TPRG1: variants seen among roughly 807,000 people sequenced by gnomAD.
TPRG1 encodes the protein tumor protein p63-regulated gene 1 protein.
A neutral mutation model predicts 29.3 loss-of-function variants in TPRG1; 29 were observed. The ratio of observed to expected loss-of-function variants is 0.99; its 90% CI spans 0.74 to 1.35. TPRG1 has a LOEUF of 1.35. Among genes scored for constraint, TPRG1 ranks in the 40% most tolerant of loss-of-function variants. The pLI is 0.00. For missense variants in TPRG1, 327 were observed against 335.0 expected (o/e 0.98, Z 0.19); for synonymous variants, 130 against 116.8 (o/e 1.11, Z -0.73).
intron 3 of TPRG1, chr3:189,218,087 T>A: frequency 1.1e-6 from 1 of 932,806 alleles, no homozygotes; most frequent in Non-Finnish European, 1.3e-6. Flanking sequence ...ATGGACCAAC[T>A]ACCCTAGCCT....
chr3:189,247,098 A>G (rs1741483461), intron 4 of TPRG1, among the ~76,000 whole-genome samples: 1 of 151,910 alleles, frequency 6.6e-6, no homozygotes, highest in African/African-American at 2.4e-5. Context: ...TAAATTACAC[A>G]TATGTTAGAC....
chr3:189,135,361 C>T (rs1232890381), intron 3 of TPRG1, among the ~76,000 whole-genome samples: 1 of 152,206 alleles, frequency 6.6e-6, no homozygotes, highest in Non-Finnish European at 1.5e-5. Flanking sequence ...CACATGCTTC[C>T]CTCACTGTCA....
chr3:189,001,174 G>C (rs926570884), intron 2 of TPRG1, among the ~76,000 whole-genome samples: 7 of 152,104 alleles, frequency 4.6e-5, no homozygotes, highest in African/African-American at 1.7e-4. Context: ...TCCCCAACCA[G>C]AGACATGTAT....
chr3:189,040,861 T>G (rs79820720), intron 4 of TPRG1, among the ~76,000 whole-genome samples: 2,852 of 152,292 alleles, frequency 0.019, 89 homozygotes, highest in African/African-American at 0.065. Context: ...ATTCTTCCTC[T>G]ATTGCTCAGA....
intron 3 of TPRG1, among the ~76,000 whole-genome samples, chr3:189,223,823 GCC>G (rs1340398536): frequency 2.6e-5 from 4 of 151,958 alleles, no homozygotes; most frequent in African/African-American, 9.7e-5. Flanking sequence ...ACAGTTTTTT[GCC>G]ATATGTTATG....
intron 3 of TPRG1, among the ~76,000 whole-genome samples, chr3:189,238,462 G>A (rs1251573056): frequency 6.6e-6 from 1 of 152,160 alleles, no homozygotes; most frequent in Non-Finnish European, 1.5e-5. Context: ...CACACACTGG[G>A]TATTCCCCTA....
chr3:189,149,416 A>C (rs1449604815), intron 4 of TPRG1, among the ~76,000 whole-genome samples: 3 of 152,222 alleles, frequency 2.0e-5, no homozygotes, highest in Non-Finnish European at 4.4e-5. Flanking sequence ...AAAGCATTCA[A>C]GAGCTTTCTG....
chr3:189,194,357 A>G (rs777843083), intron 1 of TPRG1, among the ~76,000 whole-genome samples: 1 of 152,200 alleles, frequency 6.6e-6, no homozygotes, highest in Non-Finnish European at 1.5e-5. Flanking sequence ...CAGGTCTGAC[A>G]CAGCCTACAA....
chr3:189,095,993 G>A (rs186454913), upstream of TPRG1, among the ~76,000 whole-genome samples: 31 of 152,288 alleles, frequency 2.0e-4, no homozygotes, highest in East Asian at 4.8e-3. Context: ...TCTATCAGTC[G>A]TATCCATAAC....
intron 1 of TPRG1, among the ~76,000 whole-genome samples, chr3:189,119,122 A>C (rs1721527223): frequency 6.6e-6 from 1 of 152,230 alleles, no homozygotes; most frequent in Admixed American, 6.5e-5. Flanking sequence ...GTGGGAGACC[A>C]CCTTTTGTAT....
intron 4 of TPRG1, chr3:189,267,566 G>A (rs536839954): frequency 2.0e-5 from 3 of 152,308 alleles, no homozygotes; most frequent in South Asian, 4.2e-4. Context: ...TTGGTAGAGA[G>A]TTATAAAGTG....
chr3:189,254,979 T>C lies in TPRG1; in HGVS notation c.479+16070T>C, dbSNP rs557405878. On this transcript the variant is annotated intron_variant, in intron 4 of 5. Transcript: ENST00000345063. ...CATGTCATTTACAAACAGAGATAAT[T>C]TGACTTCCTCTCTTCATATTTGAAT... Among the ~76,000 whole-genome samples, 107 of 152,318 alleles carry C rather than the reference T, an allele frequency of 7.0e-4. 1 individual carries two copies. Among genetic ancestry groups the C allele is most frequent in the Non-Finnish European group, 1.2e-3 (84 of 68,022 alleles).
intron 3 of TPRG1, among the ~76,000 whole-genome samples, chr3:189,141,801 AT>A (rs1724606103): frequency 6.6e-6 from 1 of 152,140 alleles, no homozygotes; most frequent in Non-Finnish European, 1.5e-5. Context: ...TATATTTTTT[AT>A]TGATTGATTA....
intron 4 of TPRG1, among the ~76,000 whole-genome samples, chr3:189,088,859 CT>C (rs557617607): frequency 5.3e-4 from 81 of 152,178 alleles, no homozygotes; most frequent in Non-Finnish European, 9.1e-4. Flanking sequence ...GTACATCAAA[CT>C]TTTTAAAAAA....
intron 3 of TPRG1, among the ~76,000 whole-genome samples, chr3:189,220,936 C>T (rs1431481693): frequency 6.6e-6 from 1 of 152,122 alleles, no homozygotes; most frequent in Non-Finnish European, 1.5e-5. Context: ...GAACTTCTCT[C>T]AGTTTTTTCC....
chr3:189,060,307 C>T (rs557277166), intron 4 of TPRG1, among the ~76,000 whole-genome samples: 9 of 152,218 alleles, frequency 5.9e-5, no homozygotes, highest in Non-Finnish European at 1.2e-4. Flanking sequence ...ATAATAAGGG[C>T]CATCTATGAC....
chr3:189,310,727 C>A (rs1393304531), intron 5 of TPRG1, among the ~76,000 whole-genome samples, 188 bp downstream of exon 5: 2 of 152,000 alleles, frequency 1.3e-5, no homozygotes, highest in African/African-American at 4.8e-5. Flanking sequence ...AGTAAAGAGT[C>A]AAACTGTTTT....
chr3:189,060,939 A>T (rs1716064776), intron 4 of TPRG1, among the ~76,000 whole-genome samples: 1 of 152,180 alleles, frequency 6.6e-6, no homozygotes, highest in Non-Finnish European at 1.5e-5. Flanking sequence ...AACTAGAAAA[A>T]AACTATTTAA....
At chr3:189,141,551 A>G (rs1405784063) in intron 3 of TPRG1, among the ~76,000 whole-genome samples, 4 of 152,204 alleles carry the variant, frequency 2.6e-5, no homozygotes, top group Non-Finnish European at 4.4e-5. Flanking sequence ...GAGTAGCTCA[A>G]AATCCAGGGA....
Sources: allele counts gnomAD v4.1 joint callset (sites outside exome capture counted in the v4.1 genomes callset), GRCh38; gene constraint gnomAD v4.1.1; transcripts MANE v1.5; gene names NCBI Gene and HGNC (gene_info 2026-07-23, HGNC 2026-07-21).